Variants in DOCK7 observed in about 807,000 individuals in gnomAD.
DOCK7 encodes dedicator of cytokinesis protein 7.
Under a neutral mutation model 271.0 loss-of-function variants are expected in DOCK7, and 138 were observed. That is an observed-to-expected ratio of 0.51 (90% CI 0.44 to 0.59). The LOEUF (loss-of-function observed/expected upper bound fraction) is 0.59, where lower values mean the gene tolerates loss of function less well. DOCK7 is among the 20% of genes least tolerant of loss of function. DOCK7 has a pLI of 0.00. For synonymous variants in DOCK7, 823 were observed against 876.1 expected (o/e 0.94, Z 1.07); for missense variants, 2,066 against 2,592.4 (o/e 0.80, Z 4.41).
intron 18 of DOCK7, among the ~76,000 whole-genome samples, chr1:62,565,402 C>CA (rs1646478361): frequency 6.6e-6 from 1 of 152,120 alleles, no homozygotes; most frequent in Non-Finnish European, 1.5e-5. Flanking sequence ...AAGGTTGGTT[C>CA]AACATACGCA....
chr1:62,648,889 C>T (rs1168090), intron 4 of DOCK7, among the ~76,000 whole-genome samples: 148,547 of 152,122 alleles, frequency 0.98, 72,629 homozygotes, highest in Middle Eastern at 1. Flanking sequence ...AAATAGAAAA[C>T]ATACACTGAA....
In DOCK7 at chr1:62,459,777, T is replaced by A. The variant is rs114441611; in HGVS notation, c.6213-2072A>T. 5.2e-3 allele frequency among the ~76,000 whole-genome samples: 793 copies of A among 152,142 alleles called. 6 individuals carry two copies. Among genetic ancestry groups the A allele is most frequent in the South Asian group, 0.019 (91 of 4,812 alleles). On this transcript the variant is annotated intron_variant, in intron 48 of 49. Coordinates refer to ENST00000635253, the MANE Select transcript of DOCK7 (RefSeq NM_001367561.1). ...AACATCCTAGGGACCAATACCCGAA[T>A]GTAATGCAATTATTCTAGAGTATAT...
At position 62,479,092 on chromosome 1, in the gene DOCK7, G is replaced by A. The variant is rs141009734; in HGVS notation, c.5509-1267C>T. 8.0e-4 allele frequency: 122 copies of A among 152,092 alleles called. 1 individual carries two copies. Among genetic ancestry groups the A allele is most frequent in the African/African-American group, 2.7e-3 (114 of 41,500 alleles). The allele number at this position is 152,092 out of a possible 1,614,324, so 9.4% of individuals were successfully genotyped here. On this transcript the variant is annotated intron_variant, in intron 43 of 49. Coordinates refer to ENST00000635253, the MANE Select transcript of DOCK7 (RefSeq NM_001367561.1). ...ATACAAAATTATTTTAGGATTCTCT[G>A]GTGGTGCCTATATGCGCATTACAAG...
chr1:62,532,334 CTATT>C lies in DOCK7; in HGVS notation c.3612-2892_3612-2889del, dbSNP rs548609869. Among the ~76,000 whole-genome samples the C allele has an allele frequency of 3.4e-3, 515 of 152,176 alleles. 4 individuals carry two copies. The highest frequency in any genetic ancestry group is 0.011 in the African/African-American group (469 of 41,518). On this transcript the variant is annotated intron_variant, in intron 29 of 49. Coordinates refer to ENST00000635253, the MANE Select transcript of DOCK7 (RefSeq NM_001367561.1). ...GTAGGTGTGAGCCACCATGCCAGGC[CTATT>C]TATTTATTTAATTTTCTTGAGACAG...
Position 62,490,060 on chromosome 1 carries a change from C to CTTT in DOCK7, c.5362-998_5362-996dup, listed in dbSNP as rs34084769. Among the ~76,000 whole-genome samples, 85 of 126,128 alleles carry CTTT rather than the reference C, an allele frequency of 6.7e-4. 1 individual carries two copies. Among genetic ancestry groups the CTTT allele is most frequent in the African/African-American group, 2.0e-3 (68 of 34,092 alleles). 82.7% of individuals were successfully genotyped at this position (126,128 alleles called of 152,430 possible). ...TTGTATTGGTCTTCTATCCCTTATC[C>CTTT]TTTTTTTTTTTTTTTTTTTAAATAA... On this transcript the variant is annotated intron_variant, in intron 41 of 49. Transcript: ENST00000635253.
rs1372984260 is a variant in DOCK7 at position 62,476,145 on chromosome 1, T to C, written c.5646A>G (p.Gly1882=). ...CAACCACATCCTCTCCAAATCTTTCTCCGTAAAATCCCTACAATAAAGAAA... is the reference window on the plus strand; with the variant it reads ...CAACCACATCCTCTCCAAATCTTTCCCCGTAAAATCCCTACAATAAAGAAA... The part of the protein sequence containing the change: ...EISHRLEGFY[G]ERFGEDVVEV... Residue 1882 remains glycine (G), a synonymous_variant, in exon 45 of 50, where the codon GGA becomes GGG. Transcript: ENST00000635253. 4 of 1,611,656 alleles carry C rather than the reference T, an allele frequency of 2.5e-6. No individual in the cohort carries two copies. Among genetic ancestry groups the C allele is most frequent in the Non-Finnish European group, 3.4e-6 (4 of 1,179,132 alleles).
chr1:62,679,637 T>C (rs924104120), intron 1 of DOCK7, among the ~76,000 whole-genome samples: 3 of 152,130 alleles, frequency 2.0e-5, no homozygotes, highest in Non-Finnish European at 4.4e-5. Context: ...AATGAAAAAG[T>C]TGGCCATACA....
At chr1:62,597,944 C>A in intron 14 of DOCK7, 1 of 1,549,918 alleles carries the variant, frequency 6.5e-7, no homozygotes, top group South Asian at 1.3e-5. Flanking sequence ...AACTTGAAAG[C>A]CTCCTAGAAG....
intron 4 of DOCK7, 118 bp from the exon 5 acceptor site, chr1:62,648,662 G>T: frequency 1.9e-6 from 1 of 534,156 alleles, no homozygotes; most frequent in Non-Finnish European, 2.9e-6. Context: ...TATGTAATAA[G>T]AATCTATTCT....
At chr1:62,466,418 A>C (rs1645679303) in intron 48 of DOCK7, among the ~76,000 whole-genome samples, 2 of 152,216 alleles carry the variant, frequency 1.3e-5, no homozygotes, top group Non-Finnish European at 2.9e-5. Context: ...TGAACCTTGA[A>C]GGGAAAAGGT....
intron 1 of DOCK7, among the ~76,000 whole-genome samples, chr1:62,670,375 A>G (rs1308152628): frequency 6.6e-6 from 1 of 152,328 alleles, no homozygotes; most frequent in South Asian, 2.1e-4. Context: ...GGACGTGGAG[A>G]GTCTTTATAT....
chr1:62,666,184 T>A (rs970487434), intron 1 of DOCK7, among the ~76,000 whole-genome samples: 1 of 151,686 alleles, frequency 6.6e-6, no homozygotes, highest in African/African-American at 2.4e-5. Flanking sequence ...AAATAAAAAT[T>A]TAAAAAATCA....
intron 25 of DOCK7, among the ~76,000 whole-genome samples, chr1:62,541,666 G>A (rs1383628515): frequency 1.3e-5 from 2 of 152,104 alleles, no homozygotes; most frequent in Non-Finnish European, 2.9e-5. Context: ...ATATGATTAT[G>A]TTACCAGTAA....
intron 48 of DOCK7, among the ~76,000 whole-genome samples, chr1:62,472,196 T>C (rs551083781): frequency 6.6e-6 from 1 of 152,050 alleles, no homozygotes; most frequent in Non-Finnish European, 1.5e-5. Context: ...CTCCACCTCC[T>C]GGGTTCAAGC....
intron 22 of DOCK7, among the ~76,000 whole-genome samples, chr1:62,548,259 G>A (rs542507706): frequency 1.3e-5 from 2 of 151,834 alleles, no homozygotes; most frequent in Admixed American, 1.3e-4. Context: ...TTAGAAGGCT[G>A]AGGACACAGC....
intron 21 of DOCK7, among the ~76,000 whole-genome samples, chr1:62,553,330 A>ATATG (rs1557706052): frequency 3.3e-3 from 12 of 3,632 alleles, no homozygotes; most frequent in African/African-American, 0.014. Flanking sequence ...ATATATATAT[A>ATATG]TATATATATA....
In DOCK7 at chr1:62,598,149, CT is replaced by C. The variant is rs1279305149; in HGVS notation, c.1683-11526del. ...TTTCTAAGGCATGCCATTTGAAATA[CT>C]TTGTTGCATTGTTGAAATACTTTTT... On this transcript the variant is annotated intron_variant, in intron 14 of 49. Coordinates refer to ENST00000635253, the MANE Select transcript of DOCK7 (RefSeq NM_001367561.1). The C allele has an allele frequency of 6.6e-6, 8 of 1,219,150 alleles. No homozygotes were observed. The East Asian group carries it at 1.8e-4, about 28-fold the overall frequency. The allele number at this position is 1,219,150 out of a possible 1,614,324, so 75.5% of individuals were successfully genotyped here. A position where few individuals can be genotyped will look rare whatever the true frequency, so the allele number is the denominator to read the frequency against.
intron 21 of DOCK7, among the ~76,000 whole-genome samples, chr1:62,554,922 T>C (rs1038502089): frequency 2.0e-5 from 3 of 152,368 alleles, no homozygotes; most frequent in East Asian, 1.9e-4. Flanking sequence ...ATCAGGTTAC[T>C]ATTATGTCTA....
At chr1:62,462,600 T>C (rs1037530177) in intron 48 of DOCK7, among the ~76,000 whole-genome samples, 9 of 152,186 alleles carry the variant, frequency 5.9e-5, no homozygotes, top group Non-Finnish European at 1.2e-4. Context: ...GTGAATGCTT[T>C]TTAAATAAGT....
Sources: allele counts gnomAD v4.1 joint callset (sites outside exome capture counted in the v4.1 genomes callset), GRCh38; gene constraint gnomAD v4.1.1; transcripts MANE v1.5; gene names NCBI Gene and HGNC (gene_info 2026-07-23, HGNC 2026-07-21).